Variants in ANO1 observed in about 807,000 individuals in gnomAD.
ANO1 encodes anoctamin-1.
In ANO1, 59 loss-of-function variants were observed where a neutral mutation model predicts 124.0. The ratio of observed to expected loss-of-function variants is 0.48; its 90% CI spans 0.39 to 0.59. The LOEUF (loss-of-function observed/expected upper bound fraction) is 0.59. ANO1 is among the 20% of genes least tolerant of loss of function. The probability of loss-of-function intolerance (pLI) is 0.00; values close to 1 mark genes in which losing one functional copy is unlikely to be tolerated. For synonymous variants in ANO1, 529 were observed against 532.0 expected, an observed-to-expected ratio of 0.99 and a Z score of 0.08; for missense variants, 1,059 against 1,328.0, an observed-to-expected ratio of 0.80 and a Z score of 3.15.
intron 1 of ANO1, among the ~76,000 whole-genome samples, chr11:70,001,401 C>T (rs1026417897): frequency 5.3e-5 from 8 of 152,070 alleles, no homozygotes; most frequent in Admixed American, 2.0e-4. Context: ...CATGAAAGCC[C>T]GCAACTGGAA....
rs2044468686 is a variant in ANO1 at position 70,088,166 on chromosome 11, G to A, written c.441+82G>A. The A allele has an allele frequency of 2.7e-5, 25 of 928,272 alleles. No individual in the cohort carries two copies. The South Asian group carries it at 4.9e-4, about 18-fold the overall frequency. The allele number at this position is 928,272 out of a possible 1,614,324, so 57.5% of individuals were successfully genotyped here. A position where few individuals can be genotyped will look rare whatever the true frequency, so the allele number is the denominator to read the frequency against. ...CAGTAGGGGGGCAGCTGCTTCCATA[G>A]TCAGAGGGTGCGAGGCTGGTATCTT... is the stretch of plus-strand genomic sequence containing the variant. On this transcript the variant is annotated intron_variant, in intron 2 of 25. Coordinates refer to ENST00000355303, the MANE Select transcript of ANO1 (RefSeq NM_018043.7).
chr11:70,008,662 C>T (rs77875743), intron 1 of ANO1, among the ~76,000 whole-genome samples: 6,678 of 144,424 alleles, frequency 0.046, 493 homozygotes, highest in African/African-American at 0.16. Flanking sequence ...TTTTTTAAGG[C>T]GTGATATTTG....
intron 1 of ANO1, among the ~76,000 whole-genome samples, chr11:69,996,967 T>G (rs1554998445): frequency 6.6e-6 from 1 of 152,184 alleles, no homozygotes; most frequent in African/African-American, 2.4e-5. Flanking sequence ...TGTGGGGTGA[T>G]GTCTGCATGC....
chr11:70,142,909 A>G (rs980115485), intron 11 of ANO1, among the ~76,000 whole-genome samples: 19 of 152,114 alleles, frequency 1.2e-4, no homozygotes, highest in Non-Finnish European at 2.6e-4. Context: ...CCCCACCCTC[A>G]TGACCTCAGC....
At chr11:70,126,226 A>G (rs1399297161) in intron 10 of ANO1, 31 bp downstream of exon 10, 2 of 1,578,370 alleles carry the variant, frequency 1.3e-6, no homozygotes, top group Non-Finnish European at 1.7e-6. Flanking sequence ...ACCACCCCGC[A>G]GTACACAGAG....
chr11:70,123,509 G>T (rs1457202240), intron 8 of ANO1, among the ~76,000 whole-genome samples: 1 of 152,134 alleles, frequency 6.6e-6, no homozygotes, highest in Non-Finnish European at 1.5e-5. Context: ...GGGTTCCCTC[G>T]TCCCCCAGCC....
At chr11:70,166,946 G>A (rs1041725183) in intron 20 of ANO1, among the ~76,000 whole-genome samples, 12 of 152,144 alleles carry the variant, frequency 7.9e-5, no homozygotes, top group African/African-American at 2.9e-4. Context: ...AGGAGTTCAA[G>A]ACCGGCCTGG....
In ANO1 at chr11:70,164,023, TC is replaced by T. The variant is rs1425374608; in HGVS notation, c.1950+684del. Among the ~76,000 whole-genome samples the T allele has an allele frequency of 2.6e-5, 4 of 151,938 alleles. No homozygotes were observed. In the East Asian group the frequency reaches 7.7e-4, roughly 29 times the overall value. Reference sequence around the variant, plus strand: ...TTTACTCGACATTGAAATGCTTGTCTCTTTACCCTCAAACACCATGCTGGTG... The same window carrying T: ...TTTACTCGACATTGAAATGCTTGTCTTTTACCCTCAAACACCATGCTGGTG... On this transcript the variant is annotated intron_variant, in intron 19 of 25. Transcript: ENST00000355303.
At chr11:70,027,950 T>C (rs1202688781) in intron 1 of ANO1, among the ~76,000 whole-genome samples, 1 of 152,222 alleles carries the variant, frequency 6.6e-6, no homozygotes, top group African/African-American at 2.4e-5. Flanking sequence ...ATCTGGGTTT[T>C]GGGTCTCTGT....
intron 1 of ANO1, among the ~76,000 whole-genome samples, chr11:70,061,444 T>G (rs1857574445): frequency 6.6e-6 from 1 of 150,976 alleles, no homozygotes; most frequent in Non-Finnish European, 1.5e-5. Flanking sequence ...GCCTCCTCTT[T>G]TCTCTCTCCT....
At chr11:70,154,125 C>T (rs2047712092) in intron 14 of ANO1, among the ~76,000 whole-genome samples, 1 of 152,122 alleles carries the variant, frequency 6.6e-6, no homozygotes, top group Admixed American at 6.6e-5. Context: ...AGCTCCTGGC[C>T]TTGTCAGCCT....
At chr11:70,061,818 C>T (rs1046288783) in intron 1 of ANO1, among the ~76,000 whole-genome samples, 1 of 152,046 alleles carries the variant, frequency 6.6e-6, no homozygotes, top group African/African-American at 2.4e-5. Context: ...AGCTTCAGAC[C>T]GACAACAGAG....
intron 24 of ANO1, among the ~76,000 whole-genome samples, chr11:70,184,031 G>A (rs1486375239): frequency 6.6e-6 from 1 of 152,214 alleles, no homozygotes; most frequent in African/African-American, 2.4e-5. Flanking sequence ...GGCCAGGGCT[G>A]TGCCTGCAAA....
intron 2 of ANO1, among the ~76,000 whole-genome samples, chr11:70,091,791 C>T (rs926021370): frequency 3.3e-5 from 5 of 152,208 alleles, no homozygotes; most frequent in African/African-American, 1.2e-4. Flanking sequence ...GCTGCGAGCC[C>T]CACACAGGAG....
chr11:70,054,943 G>C (rs1379795825), intron 1 of ANO1, among the ~76,000 whole-genome samples: 1 of 152,134 alleles, frequency 6.6e-6, no homozygotes, highest in African/African-American at 2.4e-5. Flanking sequence ...AATACGATAT[G>C]GGATATCATA....
rs1401852968 is a variant in ANO1 at position 70,165,455 on chromosome 11, G to A, written c.1951-15G>A. On this transcript the variant is annotated splice_polypyrimidine_tract_variant and intron_variant, in intron 19 of 25. Coordinates refer to ENST00000355303, the MANE Select transcript of ANO1 (RefSeq NM_018043.7). ...GTGTCCCTGTAGCGTGGCTGATGCTGCTCTCTGTCCACAGTGTGCGCCAGG... is the reference window on the plus strand; with the variant it reads ...GTGTCCCTGTAGCGTGGCTGATGCTACTCTCTGTCCACAGTGTGCGCCAGG... 1.1e-5 allele frequency: 17 copies of A among 1,598,500 alleles called. No homozygotes were observed. The highest frequency in any genetic ancestry group is 1.5e-5 in the Non-Finnish European group (17 of 1,172,226).
intron 1 of ANO1, among the ~76,000 whole-genome samples, chr11:69,995,813 C>G (rs907377817): frequency 1.3e-4 from 20 of 152,180 alleles, no homozygotes; most frequent in African/African-American, 4.8e-4. Context: ...GTTTGAAGTA[C>G]TGGAGATTTC....
chr11:70,120,712 C>T (rs552582588), intron 8 of ANO1, among the ~76,000 whole-genome samples: 1 of 152,304 alleles, frequency 6.6e-6, no homozygotes, highest in African/African-American at 2.4e-5. Flanking sequence ...AGGACATACA[C>T]CAATTAAAGA....
At chr11:70,171,173 G>A (rs574700923) in intron 22 of ANO1, 134 bp downstream of exon 22, 34 of 1,298,728 alleles carry the variant, frequency 2.6e-5, no homozygotes, top group Admixed American at 1.7e-4. Context: ...AGCCTTTGCC[G>A]GGTGGAGCCT....
Sources: gnomAD v4.1 joint callset for allele counts (sites outside exome capture counted in the v4.1 genomes callset) on GRCh38, gnomAD v4.1.1 for gene constraint, MANE v1.5 for transcripts, NCBI Gene and HGNC (gene_info 2026-07-23, HGNC 2026-07-21) for gene names.